Variants in DCLK1 observed in about 807,000 individuals in gnomAD.
DCLK1 encodes the protein serine/threonine-protein kinase DCLK1.
Under a neutral mutation model 86.2 loss-of-function variants are expected in DCLK1, and 16 were observed. That is an observed-to-expected ratio of 0.19 (90% CI 0.13 to 0.28). The LOEUF (loss-of-function observed/expected upper bound fraction) is 0.28, where lower values mean the gene tolerates loss of function less well. Among genes scored for constraint, DCLK1 ranks in the 10% least tolerant of loss-of-function variants. The pLI is 1.00. For missense variants in DCLK1, 590 were observed against 940.2 expected, an observed-to-expected ratio of 0.63 and a Z score of 4.87; for synonymous variants, 369 against 370.5, an observed-to-expected ratio of 1.00 and a Z score of 0.05.
At chr13:35,859,304 G>C (rs1593669476) in intron 5 of DCLK1, among the ~76,000 whole-genome samples, 1 of 152,150 alleles carries the variant, frequency 6.6e-6, no homozygotes, top group African/African-American at 2.4e-5. Flanking sequence ...CCCAGTTCTG[G>C]TCTCCTTTGC....
At chr13:35,938,521 C>T (rs950659520) in intron 4 of DCLK1, among the ~76,000 whole-genome samples, 8 of 151,762 alleles carry the variant, frequency 5.3e-5, no homozygotes, top group African/African-American at 1.9e-4. Context: ...CCCAGCTACT[C>T]GGGAGGCTGA....
intron 3 of DCLK1, among the ~76,000 whole-genome samples, chr13:36,091,082 A>C (rs1342527146): frequency 6.6e-6 from 1 of 152,208 alleles, no homozygotes; most frequent in Non-Finnish European, 1.5e-5. Context: ...GATTCTGGAT[A>C]TTAGACCTTT....
At chr13:36,040,569 G>A (rs1238930021) in intron 3 of DCLK1, among the ~76,000 whole-genome samples, 2 of 151,670 alleles carry the variant, frequency 1.3e-5, no homozygotes. Context: ...TGGCTGAGTA[G>A]TGTTGACAGG....
chr13:35,841,784 A>C (rs2153108358), intron 6 of DCLK1, among the ~76,000 whole-genome samples: 1 of 152,310 alleles, frequency 6.6e-6, no homozygotes, highest in South Asian at 2.1e-4. Flanking sequence ...AACTTCTAAT[A>C]GTATTATCTC....
At chr13:35,918,890 G>GTTTTTTTTTTTTTTTTTTTT (rs532112697) in intron 4 of DCLK1, among the ~76,000 whole-genome samples, 3 of 14,226 alleles carry the variant, frequency 2.1e-4, no homozygotes, top group South Asian at 1.5e-3. Context: ...CCTTCTGAGT[G>GTTTTTTTTTTTTTTTTTTTT]TGTTTTTTTT....
chr13:35,790,437 G>T (rs2086691434), intron 16 of DCLK1, among the ~76,000 whole-genome samples: 1 of 152,114 alleles, frequency 6.6e-6, no homozygotes, highest in East Asian at 1.9e-4. Flanking sequence ...TTCCCCAACT[G>T]CCACCAAACC....
At chr13:35,816,826 TACTGCAAA>T (rs2087279013) in intron 11 of DCLK1, among the ~76,000 whole-genome samples, 1 of 152,152 alleles carries the variant, frequency 6.6e-6, no homozygotes, top group Non-Finnish European at 1.5e-5. Context: ...TTTTTCCTCA[TACTGCAAA>T]ACCCTGATGT....
In DCLK1 at chr13:35,937,195, G is replaced by A. The variant is rs893894911; in HGVS notation, c.823+10163C>T. 1.2e-4 allele frequency among the ~76,000 whole-genome samples: 18 copies of A among 151,092 alleles called. 1 individual carries two copies. Among genetic ancestry groups the A allele is most frequent in the Non-Finnish European group, 1.8e-4 (12 of 67,828 alleles). ...TCATTGTGCTGGCCAGAATGGTCTC[G>A]ATCTCCTGACCTCATGATCCGCCCG... On this transcript the variant is annotated intron_variant, in intron 4 of 16. Transcript: ENST00000360631.
intron 4 of DCLK1, among the ~76,000 whole-genome samples, chr13:35,894,553 A>AG (rs11417221): frequency 1 from 151,571 of 152,278 alleles, 75,438 homozygotes; most frequent in Middle Eastern, 1. Context: ...GCCTAGAGGC[A>AG]GGGTGTAAGA....
intron 3 of DCLK1, among the ~76,000 whole-genome samples, chr13:36,097,858 A>G (rs994579756): frequency 6.6e-6 from 1 of 152,194 alleles, no homozygotes; most frequent in Non-Finnish European, 1.5e-5. Flanking sequence ...ACCAAAAAAA[A>G]AAAGATGCAC....
In DCLK1 at chr13:36,043,443, T is replaced by C. The variant is rs113509048; in HGVS notation, c.723+68426A>G. Among the ~76,000 whole-genome samples, 1,024 of 152,064 alleles carry C rather than the reference T, an allele frequency of 6.7e-3. 9 individuals carry two copies. The highest frequency in any genetic ancestry group is 0.023 in the African/African-American group (954 of 41,524). On this transcript the variant is annotated intron_variant, in intron 3 of 16. Transcript: ENST00000360631. ...TATAGGAGGTTCAACATCTGACTTATACAAGTTTCAAAGAAGAGAAAACAA... is the reference window on the plus strand; with the variant it reads ...TATAGGAGGTTCAACATCTGACTTACACAAGTTTCAAAGAAGAGAAAACAA...
intron 5 of DCLK1, among the ~76,000 whole-genome samples, chr13:35,867,661 A>G (rs1230668864): frequency 6.6e-6 from 1 of 152,174 alleles, no homozygotes; most frequent in Non-Finnish European, 1.5e-5. Flanking sequence ...TTGAGTTTCC[A>G]AAATTACTTT....
intron 4 of DCLK1, among the ~76,000 whole-genome samples, chr13:35,930,609 A>T (rs1216677493): frequency 6.6e-6 from 1 of 150,670 alleles, no homozygotes; most frequent in Non-Finnish European, 1.5e-5. Context: ...CAAACAAACA[A>T]ACAAACAAAA....
chr13:35,855,268 A>C (rs1165864724), intron 5 of DCLK1, among the ~76,000 whole-genome samples: 5 of 152,214 alleles, frequency 3.3e-5, no homozygotes, highest in African/African-American at 1.2e-4. Context: ...CACTAAACTG[A>C]ACTAAAGCCA....
chr13:36,066,005 T>C lies in DCLK1; in HGVS notation c.723+45864A>G, dbSNP rs1338510970. On this transcript the variant is annotated intron_variant, in intron 3 of 16. Transcript: ENST00000360631. ...TTCTTCTTCATACCAAATGCTATAT[T>C]TTCCACCTTCTAAAAACACACAATA... 2.0e-5 allele frequency among the ~76,000 whole-genome samples: 3 copies of C among 152,102 alleles called. 1 individual carries two copies. The highest frequency in any genetic ancestry group is 4.4e-5 in the Non-Finnish European group (3 of 68,012).
At chr13:35,855,441 A>G (rs1870977592) in intron 5 of DCLK1, 1 of 1,444,116 alleles carries the variant, frequency 6.9e-7, no homozygotes, top group East Asian at 2.4e-5. Context: ...TAACCAGGAG[A>G]CACATAGATT....
chr13:35,837,961 G>A (rs1869508763), intron 7 of DCLK1, among the ~76,000 whole-genome samples: 1 of 151,766 alleles, frequency 6.6e-6, no homozygotes, highest in South Asian at 2.1e-4. Flanking sequence ...AGCTACTCAG[G>A]AGGCTGAGGC....
At chr13:36,041,793 T>C (rs1473366484) in intron 3 of DCLK1, among the ~76,000 whole-genome samples, 1 of 152,184 alleles carries the variant, frequency 6.6e-6, no homozygotes, top group African/African-American at 2.4e-5. Context: ...TTCAATCCAC[T>C]CACTTTAATG....
intron 11 of DCLK1, among the ~76,000 whole-genome samples, chr13:35,814,194 T>A (rs1157172005): frequency 6.6e-6 from 1 of 152,088 alleles, no homozygotes; most frequent in Non-Finnish European, 1.5e-5. Flanking sequence ...TGAGGCCATG[T>A]GAAAATATAA....
Sources: allele counts gnomAD v4.1 joint callset (sites outside exome capture counted in the v4.1 genomes callset), GRCh38; gene constraint gnomAD v4.1.1; transcripts MANE v1.5; gene names NCBI Gene and HGNC (gene_info 2026-07-23, HGNC 2026-07-21).